Variants in GJA9 observed in about 807,000 individuals in gnomAD.
GJA9 encodes the protein gap junction alpha-9 protein.
In GJA9, 1 loss-of-function variant was observed where a neutral mutation model predicts 0.4. The observed-to-expected ratio is 2.50, with a 90% CI of 0.89 to 11.88. The LOEUF is 11.88. Among genes scored for constraint, GJA9 ranks in the 30% most tolerant of loss-of-function variants. GJA9 has a pLI of 0.12. For missense variants in GJA9, 550 were observed against 602.8 expected (o/e 0.91, Z 0.92); for synonymous variants, 190 against 219.1 (o/e 0.87, Z 1.17).
Position 38,874,092 on chromosome 1 carries a change from G to A in GJA9, c.*459C>T. ...GATCTTCTTAAGATTTTATTTACTA[G>A]GTAGCAACATGTGATTATACTCAAG... On this transcript the variant is annotated 3_prime_UTR_variant, in exon 2 of 2. Coordinates refer to ENST00000357771, the MANE Select transcript of GJA9 (RefSeq NM_030772.5). 1 of 360,534 alleles carries A rather than the reference G, an allele frequency of 2.8e-6. No individual in the cohort carries two copies. The highest frequency in any genetic ancestry group is 5.4e-6 in the Non-Finnish European group (1 of 184,716). The allele number at this position is 360,534 out of a possible 1,614,324, so 22.3% of individuals were successfully genotyped here.
intron 1 of GJA9, among the ~76,000 whole-genome samples, chr1:38,878,730 CT>C (rs1240029430): frequency 0.05 from 5,118 of 103,390 alleles, 62 homozygotes; most frequent in Non-Finnish European, 0.058. Context: ...GTACCAGAAT[CT>C]TTTTTTTTTT....
Position 38,874,380 on chromosome 1 carries a change from T to A in GJA9, c.*171A>T, listed in dbSNP as rs893357841. On this transcript the variant is annotated 3_prime_UTR_variant, in exon 2 of 2. Transcript: ENST00000357771. ...AACTCTATGTCTTTGAATTTAGAAG[T>A]GTTGCTTCACAATCTCGAATTAGAG... 2.5e-5 allele frequency: 14 copies of A among 561,182 alleles called. No homozygotes were observed. In the Admixed American group the frequency reaches 4.1e-4, roughly 16 times the overall value. 34.8% of individuals were successfully genotyped at this position (561,182 alleles called of 1,614,324 possible).
chr1:38,879,867 A>G (rs1642659757), intron 1 of GJA9, among the ~76,000 whole-genome samples: 1 of 151,946 alleles, frequency 6.6e-6, no homozygotes, highest in South Asian at 2.1e-4. Flanking sequence ...AGCTGGGACT[A>G]CAGGCGCCTG....
chr1:38,874,468 GC>G lies in GJA9; in HGVS notation c.*82del. On this transcript the variant is annotated 3_prime_UTR_variant, in exon 2 of 2. Transcript: ENST00000357771. ...GTCTTAACAGCTGGTCTTTAGAGCT[GC>G]CCCTATCTATTTTTTCTGTGCCCCA... 9.7e-7 allele frequency: 1 copy of G among 1,029,286 alleles called. No homozygotes were observed. Among genetic ancestry groups the G allele is most frequent in the South Asian group, 1.5e-5 (1 of 66,364 alleles). 63.8% of individuals were successfully genotyped at this position (1,029,286 alleles called of 1,614,324 possible).
chr1:38,877,754 C>T (rs1395315322), intron 1 of GJA9, among the ~76,000 whole-genome samples: 2 of 152,092 alleles, frequency 1.3e-5, no homozygotes, highest in Non-Finnish European at 2.9e-5. Flanking sequence ...GCCTCAGCCT[C>T]CCAAAGTGCC....
rs747590326 is a variant in GJA9 at position 38,875,895 on chromosome 1, C to T, written c.204G>A (p.Gln68=). 2 of 1,614,204 alleles carry T rather than the reference C, an allele frequency of 1.2e-6. No homozygotes were observed. Among genetic ancestry groups the T allele is most frequent in the Admixed American group, 1.7e-5 (1 of 60,024 alleles). ...QPGCRNVCYD[Q]AFPISLIRYW... ...ATCTAATGAGGGAGATAGGAAAGGC[C>T]TGGTCGTAGCATACATTTCTGCAGC... Residue 68 remains glutamine, a synonymous_variant, in exon 2 of 2, where the codon CAG becomes CAA. Coordinates refer to ENST00000357771, the MANE Select transcript of GJA9 (RefSeq NM_030772.5).
Position 38,874,891 on chromosome 1 carries a change from T to C in GJA9, c.1208A>G (p.Gln403Arg). Residue 403 changes from glutamine to arginine, a missense_variant, in exon 2 of 2, where the codon CAG (glutamine) becomes CGG (arginine). Coordinates refer to ENST00000357771, the MANE Select transcript of GJA9 (RefSeq NM_030772.5). ...VAIDGENNMR[Q>R]SPQTVFSLPA... ...CAAGGAGAAAACTGTTTGGGGTGAC[T>C]GCCTCATGTTGTTCTCTCCATCTAT... The C allele has an allele frequency of 6.2e-7, 1 of 1,614,248 alleles. No individual in the cohort carries two copies. The highest frequency in any genetic ancestry group is 8.5e-7 in the Non-Finnish European group (1 of 1,180,044).
At position 38,875,687 on chromosome 1, in the gene GJA9, G is replaced by C. The variant is rs753838196; in HGVS notation, c.412C>G (p.Gln138Glu). ...TTATTTAGTTTCCTTTTCTCCAGCTGACAAAGCTCTTGCTCCAATCTCCTC... is the reference window on the plus strand; with the variant it reads ...TTATTTAGTTTCCTTTTCTCCAGCTCACAAAGCTCTTGCTCCAATCTCCTC... ...DRRRLEQELCQLEKRKLNKAP... is the reference protein window; with the variant it reads ...DRRRLEQELCELEKRKLNKAP... Residue 138 changes from glutamine (Q) to glutamate (E), a missense_variant, in exon 2 of 2, where the codon CAG becomes GAG. Gln to Glu is a conservative substitution (Grantham distance 29). Coordinates refer to ENST00000357771, the MANE Select transcript of GJA9 (RefSeq NM_030772.5). The C allele has an allele frequency of 6.2e-7, 1 of 1,614,168 alleles. No individual in the cohort carries two copies. The highest frequency in any genetic ancestry group is 1.1e-5 in the South Asian group (1 of 91,080).
In GJA9 at chr1:38,881,423, A is replaced by T. The variant is rs532042212; in HGVS notation, c.-96+9T>A. On this transcript the variant is annotated intron_variant, in intron 1 of 1. Transcript: ENST00000357771. ...CTTAATAAGCTAAAACAGAGAGATT[A>T]ACACAAACCTTTCTTAGTTTAGGTA... The T allele has an allele frequency of 4.1e-5, 29 of 701,862 alleles. No individual in the cohort carries two copies. Among genetic ancestry groups the T allele is most frequent in the Admixed American group, 3.4e-4 (17 of 49,978 alleles). The allele number at this position is 701,862 out of a possible 1,614,324, so 43.5% of individuals were successfully genotyped here.
rs769597650 is a variant in GJA9 at position 38,875,381 on chromosome 1, T to C, written c.718A>G (p.Arg240Gly). ...AACTTGTATTTTCCCCAAAGCCCTC[T>C]TTTAATCTTTTTAAAACCTAGGTGG... ...IFHLGFKKIK[R>G]GLWGKYKLKK... is the part of the protein sequence containing the mutation. The change falls in exon 2 of 2, where the codon AGA (arginine) becomes GGA (glycine). Residue 240 changes from arginine (R) to glycine (G), a missense_variant. By Grantham distance (125) the Arg-to-Gly change is moderately radical (BLOSUM62 -2). Transcript: ENST00000357771. The C allele has an allele frequency of 6.2e-7, 1 of 1,613,904 alleles. No individual in the cohort carries two copies. The highest frequency in any genetic ancestry group is 1.1e-5 in the South Asian group (1 of 90,988).
chr1:38,879,947 G>C (rs574474535), intron 1 of GJA9, among the ~76,000 whole-genome samples: 2 of 151,346 alleles, frequency 1.3e-5, no homozygotes, highest in East Asian at 4.0e-4. Context: ...TCGATCTCCT[G>C]ACCTCGTGAT....
At chr1:38,881,105 G>A (rs1642690289) in intron 1 of GJA9, among the ~76,000 whole-genome samples, 1 of 152,108 alleles carries the variant, frequency 6.6e-6, no homozygotes, top group African/African-American at 2.4e-5. Context: ...GGATATTCAT[G>A]AAAATATTAA....
Position 38,874,631 on chromosome 1 carries a change from GATT to G in GJA9, c.1465_1467del (p.Asn489del). The G allele has an allele frequency of 1.2e-6, 2 of 1,614,198 alleles. No homozygotes were observed. The highest frequency in any genetic ancestry group is 1.7e-6 in the Non-Finnish European group (2 of 1,180,036). ...ACTACGTGATTTGGAGGACAAACAG[GATT>G]ATTACAGGTTCTGACCAACCCTGGC... On this transcript the variant is annotated inframe_deletion, in exon 2 of 2. Coordinates refer to ENST00000357771, the MANE Select transcript of GJA9 (RefSeq NM_030772.5).
At chr1:38,880,402 C>CAAAAAAAAAAAAAA (rs1267872139) in intron 1 of GJA9, among the ~76,000 whole-genome samples, 2 of 79,854 alleles carry the variant, frequency 2.5e-5, no homozygotes, top group African/African-American at 3.6e-5. Flanking sequence ...GACTCTGTCT[C>CAAAAAAAAAAAAAA]AAAAAAAAAT....
intron 1 of GJA9, among the ~76,000 whole-genome samples, chr1:38,878,513 C>G (rs1642632364): frequency 6.7e-6 from 1 of 150,282 alleles, no homozygotes. Context: ...ACTGTCTCTA[C>G]AAAAATACAA....
intron 1 of GJA9, among the ~76,000 whole-genome samples, chr1:38,879,029 G>A (rs572261087): frequency 1.2e-4 from 18 of 152,082 alleles, no homozygotes; most frequent in African/African-American, 2.4e-4. Flanking sequence ...CACTGCGCCC[G>A]GCCTTATGGT....
rs1251175707 is a variant in GJA9, at chr1:38,881,555, T to C, written c.-219A>G. 4 of 688,030 alleles carry C rather than the reference T, an allele frequency of 5.8e-6. No homozygotes were observed. The highest frequency in any genetic ancestry group is 2.6e-6 in the Non-Finnish European group (1 of 377,978). The allele number at this position is 688,030 out of a possible 1,614,324, so 42.6% of individuals were successfully genotyped here. A position where few individuals can be genotyped will look rare whatever the true frequency, so the allele number is the denominator to read the frequency against. The stretch of plus-strand genomic sequence containing the variant: ...AGAGCAGATTCAGTTCAGTTGAATG[T>C]AGTGAGTGAGTCATCCATCAACTAA... On this transcript the variant is annotated 5_prime_UTR_variant, in exon 1 of 2. Transcript: ENST00000357771.
Position 38,874,204 on chromosome 1 carries a change from G to A in GJA9, c.*347C>T. 2 of 345,756 alleles carry A rather than the reference G, an allele frequency of 5.8e-6. No homozygotes were observed. Among genetic ancestry groups the A allele is most frequent in the Non-Finnish European group, 1.1e-5 (2 of 181,760 alleles). 21.4% of individuals were successfully genotyped at this position (345,756 alleles called of 1,614,324 possible). Reference sequence around the variant, plus strand: ...TTAACCCAGTGTCCAAGGTGGAATTGTATAGATCAAGAACCATTTCCTAAG... The same window carrying A: ...TTAACCCAGTGTCCAAGGTGGAATTATATAGATCAAGAACCATTTCCTAAG... On this transcript the variant is annotated 3_prime_UTR_variant, in exon 2 of 2. Transcript: ENST00000357771.
rs1411266528 is a variant in GJA9, at chr1:38,875,823, G to A, written c.276C>T (p.Tyr92=). Residue 92 remains tyrosine, a synonymous_variant, in exon 2 of 2, where the codon TAC becomes TAT. Transcript: ENST00000357771. ...TCAGTCGGTACAATGCATGGCCCAT[G>A]TAGACCAGGGATGGTGAAGACACAA... ...VIFVSSPSLV[Y]MGHALYRLRV... 2 of 1,614,240 alleles carry A rather than the reference G, an allele frequency of 1.2e-6. No individual in the cohort carries two copies. The highest frequency in any genetic ancestry group is 2.2e-5 in the South Asian group (2 of 91,090).
Sources: allele counts gnomAD v4.1 joint callset (sites outside exome capture counted in the v4.1 genomes callset), GRCh38; gene constraint gnomAD v4.1.1; transcripts MANE v1.5; gene names NCBI Gene and HGNC (gene_info 2026-07-23, HGNC 2026-07-21).